ATP5MK: variants seen among roughly 807,000 people sequenced by gnomAD.
ATP5MK encodes the protein ATP synthase membrane subunit k, also known as ATP synthase F(0) complex subunit k, mitochondrial.
Under a neutral mutation model 6.6 loss-of-function variants are expected in ATP5MK, and 5 were observed. The observed-to-expected ratio is 0.76, with a 90% CI of 0.40 to 1.60. The LOEUF is 1.60. ATP5MK is among the 40% of genes most tolerant of loss of function. ATP5MK has a pLI of 0.02. For synonymous variants in ATP5MK, 30 were observed against 24.5 expected (o/e 1.22, Z -0.66); for missense variants, 57 against 66.6 (o/e 0.86, Z 0.50).
At chr10:103,389,799 T>G (rs2093408586) in intron 4 of ATP5MK, among the ~76,000 whole-genome samples, 1 of 151,840 alleles carries the variant, frequency 6.6e-6, no homozygotes, top group Non-Finnish European at 1.5e-5. Context: ...CAGCGCAATC[T>G]CGGCTCACTG....
At chr10:103,390,135 G>T (rs1036402382) in intron 4 of ATP5MK, among the ~76,000 whole-genome samples, 1 of 152,162 alleles carries the variant, frequency 6.6e-6, no homozygotes, top group African/African-American at 2.4e-5. Context: ...ATAAGCCAGT[G>T]ATCACTGCAT....
At chr10:103,390,816 AG>A (rs2093412305) in intron 4 of ATP5MK, among the ~76,000 whole-genome samples, 1 of 151,720 alleles carries the variant, frequency 6.6e-6, no homozygotes, top group Admixed American at 6.6e-5. Flanking sequence ...TGCGAAGGAG[AG>A]CTACATCAGA....
chr10:103,391,432 G>A (rs989578246), intron 4 of ATP5MK, among the ~76,000 whole-genome samples: 2 of 152,092 alleles, frequency 1.3e-5, no homozygotes, highest in African/African-American at 4.8e-5. Context: ...AATTACAGAC[G>A]TGATCATAGT....
intron 2 of ATP5MK, among the ~76,000 whole-genome samples, chr10:103,392,821 CA>C (rs2093418550): frequency 6.6e-6 from 1 of 152,284 alleles, no homozygotes; most frequent in Admixed American, 6.5e-5. Flanking sequence ...TAAGGCTACT[CA>C]AAAATTGGAG....
At chr10:103,391,221 A>G (rs2093413537) in intron 4 of ATP5MK, among the ~76,000 whole-genome samples, 1 of 152,226 alleles carries the variant, frequency 6.6e-6, no homozygotes, top group African/African-American at 2.4e-5. Context: ...AGACACACCC[A>G]TTTACAAAGC....
intron 4 of ATP5MK, 52 bp downstream of exon 4, chr10:103,392,139 A>G: frequency 4.7e-6 from 7 of 1,498,106 alleles, no homozygotes; most frequent in Non-Finnish European, 5.5e-6. Flanking sequence ...TTAGGGAAAA[A>G]TCCTAACATC....
rs2093431534 is a variant in ATP5MK at position 103,395,776 on chromosome 10, G to A, written c.-40C>T. On this transcript the variant is annotated 5_prime_UTR_variant, in exon 2 of 5. Transcript: ENST00000369815. ...ATGGTGAGATCACGAGGTAAGGAAG[G>A]CAAAGATGAGTGAGAACCACTCAGG... The A allele has an allele frequency of 6.6e-6, 1 of 152,214 alleles. No individual in the cohort carries two copies. The highest frequency in any genetic ancestry group is 2.1e-4 in the South Asian group (1 of 4,834). The allele number at this position is 152,214 out of a possible 1,614,324, so 9.4% of individuals were successfully genotyped here. A position where few individuals can be genotyped will look rare whatever the true frequency, so the allele number is the denominator to read the frequency against.
At chr10:103,389,685 A>G (rs2093407975) in intron 4 of ATP5MK, among the ~76,000 whole-genome samples, 1 of 152,156 alleles carries the variant, frequency 6.6e-6, no homozygotes, top group South Asian at 2.1e-4. Context: ...ACAATTTAGT[A>G]TGATCCTAAA....
Position 103,392,435 on chromosome 10 carries a change from G to T in ATP5MK, c.23C>A (p.Ala8Glu), listed in dbSNP as rs773059267. ...TTTAATACCAGTGAACTGGTATTGC[G>T]CATCACTTTCTGGACCTGCCATGAT... MAGPESDAQYQFTGIKKY... is the reference protein window; with the variant it reads MAGPESDEQYQFTGIKKY... The change falls in exon 3 of 5, where the codon GCG (alanine) becomes GAG (glutamate). Residue 8 changes from alanine to glutamate, a missense_variant. Physicochemically the swap from Ala to Glu is moderately radical, Grantham distance 107 (BLOSUM62 -1). Transcript: ENST00000369815. 2 of 1,603,294 alleles carry T rather than the reference G, an allele frequency of 1.2e-6. No individual in the cohort carries two copies. Among genetic ancestry groups the T allele is most frequent in the African/African-American group, 1.3e-5 (1 of 74,290 alleles).
rs1025821928 is a variant in ATP5MK at position 103,396,397 on chromosome 10, C to T, written c.-297+12G>A. 1.3e-5 allele frequency: 2 copies of T among 152,426 alleles called. No homozygotes were observed. Among genetic ancestry groups the T allele is most frequent in the African/African-American group, 4.8e-5 (2 of 41,474 alleles). The allele number at this position is 152,426 out of a possible 1,614,324, so 9.4% of individuals were successfully genotyped here. ...GCGCCAGGTCCAAGCCCGGACTCCC[C>T]TCTTCACCCACCTGCCAAAGCCGCA... On this transcript the variant is annotated intron_variant, in intron 1 of 4. Coordinates refer to ENST00000369815, the MANE Select transcript of ATP5MK (RefSeq NM_001206427.2).
intron 4 of ATP5MK, 67 bp from the exon 5 acceptor site, chr10:103,389,233 AC>A (rs1301875715): frequency 2.0e-5 from 3 of 152,262 alleles, no homozygotes; most frequent in Non-Finnish European, 4.4e-5. Context: ...CTCAAGAATT[AC>A]TAAGGTAACA....
At chr10:103,395,470 G>A (rs1012786768) in intron 2 of ATP5MK, among the ~76,000 whole-genome samples, 2 of 152,118 alleles carry the variant, frequency 1.3e-5, no homozygotes, top group Admixed American at 1.3e-4. Flanking sequence ...GCTAATTTTT[G>A]TATTGTTGGT....
intron 4 of ATP5MK, among the ~76,000 whole-genome samples, chr10:103,389,542 C>T (rs992316500): frequency 6.6e-5 from 10 of 151,988 alleles, no homozygotes; most frequent in South Asian, 2.1e-4. Context: ...AGGCTGGTCT[C>T]GAACTCCTGA....
chr10:103,392,185 T>C lies in ATP5MK; in HGVS notation c.*3+6A>G, dbSNP rs750615581. 3 of 1,598,480 alleles carry C rather than the reference T, an allele frequency of 1.9e-6. No individual in the cohort carries two copies. Among genetic ancestry groups the C allele is most frequent in the Non-Finnish European group, 1.7e-6 (2 of 1,170,218 alleles). On this transcript the variant is annotated splice_donor_region_variant and intron_variant, in intron 4 of 4. Coordinates refer to ENST00000369815, the MANE Select transcript of ATP5MK (RefSeq NM_001206427.2). Reference sequence around the variant, plus strand: ...AATTATAAAGGTTTAAATGTCAACTTCTTACCATTTATGTTGCTTTCACAG... The same window carrying C: ...AATTATAAAGGTTTAAATGTCAACTCCTTACCATTTATGTTGCTTTCACAG...
At chr10:103,390,178 T>C (rs1237183779) in intron 4 of ATP5MK, among the ~76,000 whole-genome samples, 1 of 152,168 alleles carries the variant, frequency 6.6e-6, no homozygotes, top group African/African-American at 2.4e-5. Context: ...GTCAACTGTT[T>C]TGAGATTGGA....
rs368534454 is a variant in ATP5MK, at chr10:103,393,472, C to T, written c.-9-1006G>A. Among the ~76,000 whole-genome samples, 582 of 151,180 alleles carry T rather than the reference C, an allele frequency of 3.8e-3. 2 individuals are homozygous for T. The highest frequency in any genetic ancestry group is 0.013 in the African/African-American group (554 of 41,192). On this transcript the variant is annotated intron_variant, in intron 2 of 4. Coordinates refer to ENST00000369815, the MANE Select transcript of ATP5MK (RefSeq NM_001206427.2). Reference sequence around the variant, plus strand: ...GTGGGCGCCTGTAGTCCCAGCTACTCGGGAGGCTGAGGCAGGAGAATGGCA... The same window carrying T: ...GTGGGCGCCTGTAGTCCCAGCTACTTGGGAGGCTGAGGCAGGAGAATGGCA...
chr10:103,389,078 A>G lies in ATP5MK; in HGVS notation c.*92T>C, dbSNP rs1254328859. The stretch of plus-strand genomic sequence containing the variant: ...TCCAGGTTCATAATTTATTGTACAA[A>G]TTGAATTATCACATGATGAGTTGGC... On this transcript the variant is annotated 3_prime_UTR_variant, in exon 5 of 5. Transcript: ENST00000369815. The G allele has an allele frequency of 1.3e-5, 2 of 152,674 alleles. No homozygotes were observed. Among genetic ancestry groups the G allele is most frequent in the Non-Finnish European group, 2.9e-5 (2 of 68,038 alleles). 9.5% of individuals were successfully genotyped at this position (152,674 alleles called of 1,614,324 possible). A position where few individuals can be genotyped will look rare whatever the true frequency, so the allele number is the denominator to read the frequency against.
chr10:103,392,066 A>AT (rs1425333422), intron 4 of ATP5MK, 125 bp downstream of exon 4: 1,089 of 776,066 alleles, frequency 1.4e-3, no homozygotes, highest in Non-Finnish European at 1.7e-3. Context: ...AGGCCTCTGT[A>AT]TTTTTTTTTC....
chr10:103,390,506 G>A (rs568894726), intron 4 of ATP5MK, among the ~76,000 whole-genome samples: 7 of 149,506 alleles, frequency 4.7e-5, no homozygotes, highest in South Asian at 2.1e-4. Flanking sequence ...AAAAATATCC[G>A]GGCTGGGTGT....
Sources: gnomAD v4.1 joint callset for allele counts (sites outside exome capture counted in the v4.1 genomes callset) on GRCh38, gnomAD v4.1.1 for gene constraint, MANE v1.5 for transcripts, NCBI Gene and HGNC (gene_info 2026-07-23, HGNC 2026-07-21) for gene names.